Variants in SAMSN1 observed in about 807,000 individuals in gnomAD.
The protein encoded by SAMSN1 is SAM domain, SH3 domain and nuclear localization signals 1.
Under a neutral mutation model 42.0 loss-of-function variants are expected in SAMSN1, and 31 were observed. The observed-to-expected ratio is 0.74, with a 90% CI of 0.55 to 1.00. SAMSN1 has a LOEUF of 1.00. Among genes scored for constraint, SAMSN1 ranks in the 50% least tolerant of loss-of-function variants. The pLI is 0.00. For synonymous variants in SAMSN1, 178 were observed against 151.9 expected (o/e 1.17, Z -1.26); for missense variants, 464 against 439.4 (o/e 1.06, Z -0.50).
intron 6 of SAMSN1, among the ~76,000 whole-genome samples, chr21:14,595,460 A>G (rs1982231839): frequency 6.6e-6 from 1 of 152,138 alleles, no homozygotes; most frequent in Admixed American, 6.6e-5. Flanking sequence ...GTACTTTGCT[A>G]TAGCTGCCTG....
chr21:14,623,320 C>T (rs965130748), intron 2 of SAMSN1, among the ~76,000 whole-genome samples: 10 of 152,184 alleles, frequency 6.6e-5, no homozygotes, highest in African/African-American at 2.4e-4. Context: ...AAGACACAGA[C>T]TGGCAAATTG....
At chr21:14,498,778 T>C (rs1454415393) in intron 6 of SAMSN1, among the ~76,000 whole-genome samples, 186 bp from the exon 7 acceptor site, 1 of 152,248 alleles carries the variant, frequency 6.6e-6, no homozygotes, top group Non-Finnish European at 1.5e-5. Context: ...TTATGTTGTA[T>C]AATTCTCGCC....
At chr21:14,581,344 C>CTTTTTTT (rs56728511) in intron 2 of SAMSN1, among the ~76,000 whole-genome samples, 3,110 of 32,572 alleles carry the variant, frequency 0.095, 1,240 homozygotes, top group Admixed American at 0.17. Flanking sequence ...AATAATATTT[C>CTTTTTTT]TTTTTTTTTT....
chr21:14,529,434 C>T (rs1979096203), intron 1 of SAMSN1, among the ~76,000 whole-genome samples: 1 of 152,158 alleles, frequency 6.6e-6, no homozygotes, highest in South Asian at 2.1e-4. Flanking sequence ...CTCACAGTTA[C>T]ACAAAAATAA....
At chr21:14,563,581 T>A (rs1228351748) in intron 2 of SAMSN1, among the ~76,000 whole-genome samples, 1 of 152,200 alleles carries the variant, frequency 6.6e-6, no homozygotes, top group East Asian at 1.9e-4. Context: ...GCACTGGGTC[T>A]AGAGCCCAAG....
At chr21:14,518,449 T>C (rs957037871) in intron 2 of SAMSN1, among the ~76,000 whole-genome samples, 4 of 151,782 alleles carry the variant, frequency 2.6e-5, no homozygotes, top group Non-Finnish European at 4.4e-5. Flanking sequence ...TTGCAGATTT[T>C]TTTTTCTTGG....
At position 14,525,888 on chromosome 21, in the gene SAMSN1, C is replaced by T. The variant is rs745805701; in HGVS notation, c.58-4667G>A. On this transcript the variant is annotated intron_variant, in intron 1 of 7. Transcript: ENST00000400566. ...TTTATTTATTTACTTATTTTGAGAC[C>T]GAGTCTCCCTCTGTTATGCAGGCTG... Among the ~76,000 whole-genome samples, 6 of 151,924 alleles carry T rather than the reference C, an allele frequency of 3.9e-5. No individual in the cohort carries two copies. In the East Asian group the frequency reaches 5.8e-4, roughly 15 times the overall value.
intron 2 of SAMSN1, among the ~76,000 whole-genome samples, chr21:14,560,859 C>T (rs1286731602): frequency 1.3e-5 from 2 of 152,160 alleles, no homozygotes; most frequent in Non-Finnish European, 2.9e-5. Context: ...TCCAAGGCTG[C>T]CATAACGAAG....
chr21:14,572,880 T>C (rs1282787498), intron 2 of SAMSN1, among the ~76,000 whole-genome samples: 1 of 152,188 alleles, frequency 6.6e-6, no homozygotes, highest in Non-Finnish European at 1.5e-5. Context: ...TTGGATTATA[T>C]GTAGATTTCA....
At chr21:14,545,048 G>T (rs1338011390) in intron 1 of SAMSN1, among the ~76,000 whole-genome samples, 1 of 152,080 alleles carries the variant, frequency 6.6e-6, no homozygotes, top group Non-Finnish European at 1.5e-5. Context: ...TAGGGAAAAA[G>T]AAATCATGAT....
chr21:14,586,931 AAGAATGCTT>A (rs1981937231), upstream of SAMSN1, among the ~76,000 whole-genome samples: 3 of 152,340 alleles, frequency 2.0e-5, no homozygotes, highest in South Asian at 6.2e-4. Flanking sequence ...GAATTTCTGG[AAGAATGCTT>A]AGTATGTGCC....
At chr21:14,654,844 A>C (rs906013983) in intron 1 of SAMSN1, among the ~76,000 whole-genome samples, 4 of 151,894 alleles carry the variant, frequency 2.6e-5, no homozygotes, top group African/African-American at 9.7e-5. Flanking sequence ...AAGGCGAAGA[A>C]GCCAGGAAAG....
intron 1 of SAMSN1, among the ~76,000 whole-genome samples, chr21:14,545,035 T>C (rs896284421): frequency 2.0e-5 from 3 of 152,134 alleles, no homozygotes; most frequent in African/African-American, 7.2e-5. Flanking sequence ...GTTTTTCTTA[T>C]ATTAGGGAAA....
At chr21:14,599,448 A>G (rs1206169460) in intron 6 of SAMSN1, among the ~76,000 whole-genome samples, 3 of 152,176 alleles carry the variant, frequency 2.0e-5, no homozygotes, top group Non-Finnish European at 4.4e-5. Flanking sequence ...CCTCCCCAGC[A>G]AGGCAAAACT....
rs184445538 is a variant in SAMSN1, at chr21:14,508,107, G to A, written c.561+2203C>T. Among the ~76,000 whole-genome samples, 320 of 152,238 alleles carry A rather than the reference G, an allele frequency of 2.1e-3. 1 individual carries two copies. Among genetic ancestry groups the A allele is most frequent in the African/African-American group, 6.8e-3 (281 of 41,538 alleles). ...AAGATCTGAAACTATAAAACTTCTAGAAGATAACATTGGAAAAACCTTTCT... is the reference window on the plus strand; with the variant it reads ...AAGATCTGAAACTATAAAACTTCTAAAAGATAACATTGGAAAAACCTTTCT... On this transcript the variant is annotated intron_variant, in intron 5 of 7. Transcript: ENST00000400566.
At chr21:14,641,202 A>C (rs1195330933) in intron 2 of SAMSN1, among the ~76,000 whole-genome samples, 1 of 152,192 alleles carries the variant, frequency 6.6e-6, no homozygotes, top group African/African-American at 2.4e-5. Context: ...AGCAACACCA[A>C]CATCTTAGAG....
chr21:14,547,857 C>T (rs554612656), upstream of SAMSN1, among the ~76,000 whole-genome samples: 2 of 152,182 alleles, frequency 1.3e-5, no homozygotes, highest in East Asian at 3.9e-4. Flanking sequence ...AAAGAATATA[C>T]TTTTCATGAT....
At chr21:14,512,713 T>A (rs8127371) in intron 3 of SAMSN1, 140 bp from the exon 4 acceptor site, 11,602 of 726,376 alleles carry the variant, frequency 0.016, 740 homozygotes, top group African/African-American at 0.15. Context: ...AAGTAGTTCA[T>A]CTTCAGTTCA....
chr21:14,583,477 G>C, upstream of SAMSN1: 1 of 556,516 alleles, frequency 1.8e-6, no homozygotes, highest in Non-Finnish European at 3.2e-6. Context: ...CATAAATACG[G>C]GGTAAAATTC....
Sources: allele counts gnomAD v4.1 joint callset (sites outside exome capture counted in the v4.1 genomes callset), GRCh38; gene constraint gnomAD v4.1.1; transcripts MANE v1.5; gene names NCBI Gene and HGNC (gene_info 2026-07-23, HGNC 2026-07-21).